TPR: variants seen among roughly 807,000 people sequenced by gnomAD.
TPR encodes the protein nucleoprotein TPR.
TPR carries 51 observed loss-of-function variants against 316.1 expected under a neutral mutation model. The observed-to-expected ratio is 0.16, with a 90% CI of 0.13 to 0.20. The LOEUF (loss-of-function observed/expected upper bound fraction) is 0.20, where lower values mean the gene tolerates loss of function less well. Ranked by LOEUF, TPR falls within the 10% of genes least tolerant of loss-of-function variation. The pLI is 1.00. For synonymous variants in TPR, 981 were observed against 914.7 expected (o/e 1.07, Z -1.31); for missense variants, 2,272 against 2,754.8 (o/e 0.82, Z 3.92).
chr1:186,351,872 C>A, intron 19 of TPR, 104 bp downstream of exon 19: 1 of 1,332,370 alleles, frequency 7.5e-7, no homozygotes. Context: ...TAATGGATGA[C>A]AAAAGTGATG....
chr1:186,356,540 C>T, intron 14 of TPR, 91 bp from the exon 15 acceptor site: 1 of 1,218,276 alleles, frequency 8.2e-7, no homozygotes, highest in Non-Finnish European at 1.1e-6. Flanking sequence ...CTTTGCCTAC[C>T]ATTCATCATA....
chr1:186,359,450 T>A (rs1318501902), intron 12 of TPR, among the ~76,000 whole-genome samples: 1 of 152,106 alleles, frequency 6.6e-6, no homozygotes, highest in Non-Finnish European at 1.5e-5. Context: ...AAAGAATGAT[T>A]ATGGCAAATA....
In TPR at chr1:186,313,415, GGTTA is replaced by G. The variant is rs1657430306; in HGVS notation, c.*552_*555del. 1 of 403,544 alleles carries G rather than the reference GGTTA, an allele frequency of 2.5e-6. No individual in the cohort carries two copies. Among genetic ancestry groups the G allele is most frequent in the South Asian group, 3.6e-5 (1 of 28,100 alleles). 25.0% of individuals were successfully genotyped at this position (403,544 alleles called of 1,614,324 possible). On this transcript the variant is annotated 3_prime_UTR_variant, in exon 51 of 51. Coordinates refer to ENST00000367478, the MANE Select transcript of TPR (RefSeq NM_003292.3). ...CCCAAGTAAATTATTTTTCAAACTT[GGTTA>G]CTCTTTAATGTTTACTTCATAAAGG...
At chr1:186,345,543 G>C (rs781050020) in intron 24 of TPR, 37 bp downstream of exon 24, 29 of 1,450,798 alleles carry the variant, frequency 2.0e-5, no homozygotes, top group Non-Finnish European at 2.9e-6. Context: ...CATTCTCTAG[G>C]ATCGAAGCTC....
At chr1:186,353,924 T>G in intron 17 of TPR, 74 bp from the exon 18 acceptor site, 2 of 1,403,880 alleles carry the variant, frequency 1.4e-6, no homozygotes, top group Non-Finnish European at 9.7e-7. Flanking sequence ...AATTTCACAA[T>G]AGCTTAACCC....
intron 42 of TPR, 71 bp downstream of exon 42, chr1:186,325,693 G>T: frequency 1.6e-6 from 2 of 1,218,220 alleles, no homozygotes; most frequent in Non-Finnish European, 1.2e-6. Context: ...TTATATATTA[G>T]AATTAAGTGC....
chr1:186,349,404 A>G (rs1462145664), intron 21 of TPR, among the ~76,000 whole-genome samples: 2 of 152,182 alleles, frequency 1.3e-5, no homozygotes, highest in East Asian at 1.9e-4. Flanking sequence ...CTGTAATCCC[A>G]GCACTTTGGG....
In TPR at chr1:186,326,739, C is replaced by T. The variant is rs111999332; in HGVS notation, c.5890-504G>A. The stretch of plus-strand genomic sequence containing the variant: ...GCTCCAAGAGGAAACAAAAACAATT[C>T]TTGTTTCTTCTTTTTATCTCCGGAA... On this transcript the variant is annotated intron_variant, in intron 40 of 50. Coordinates refer to ENST00000367478, the MANE Select transcript of TPR (RefSeq NM_003292.3). Among the ~76,000 whole-genome samples, 1,040 of 150,678 alleles carry T rather than the reference C, an allele frequency of 6.9e-3. 20 individuals carry two copies. Among genetic ancestry groups the T allele is most frequent in the African/African-American group, 0.024 (1,004 of 41,160 alleles).
At chr1:186,355,233 G>C (rs755382584) in intron 17 of TPR, among the ~76,000 whole-genome samples, 177 bp downstream of exon 17, 1 of 151,906 alleles carries the variant, frequency 6.6e-6, no homozygotes, top group African/African-American at 2.4e-5. Context: ...TAAACCCTTA[G>C]CACTGCCTAG....
intron 39 of TPR, among the ~76,000 whole-genome samples, chr1:186,330,704 T>C (rs1484038957): frequency 1.3e-5 from 2 of 152,102 alleles, no homozygotes; most frequent in African/African-American, 4.8e-5. Flanking sequence ...TGGTCCACGC[T>C]GGAGACTATT....
intron 39 of TPR, among the ~76,000 whole-genome samples, chr1:186,328,734 C>T (rs1304851880): frequency 6.6e-6 from 1 of 152,126 alleles, no homozygotes; most frequent in Non-Finnish European, 1.5e-5. Context: ...CTCAAAATTC[C>T]AATTATTCCA....
Position 186,351,429 on chromosome 1 carries a change from A to G in TPR, c.2511T>C (p.Leu837=). Residue 837 remains leucine (L), a synonymous_variant, in exon 20 of 51, where the codon CTT becomes CTC. Coordinates refer to ENST00000367478, the MANE Select transcript of TPR (RefSeq NM_003292.3). The part of the protein sequence containing the change: ...ERSETETKQR[L]SSQIEKLEHE... ...GTTCCAGTTTTTCTATCTGGCTACT[A>G]AGCCTTTGTTTGGTTTCTGTTTCAG... 1 of 1,611,520 alleles carries G rather than the reference A, an allele frequency of 6.2e-7. No individual in the cohort carries two copies. Among genetic ancestry groups the G allele is most frequent in the Non-Finnish European group, 8.5e-7 (1 of 1,178,898 alleles).
intron 50 of TPR, 95 bp downstream of exon 50, chr1:186,314,533 TA>T: frequency 2.1e-6 from 2 of 938,786 alleles, no homozygotes; most frequent in Non-Finnish European, 3.1e-6. Context: ...TTTGGAACAT[TA>T]AAAAAATAAA....
rs1286348394 is a variant in TPR, at chr1:186,333,188, T to C, written c.5389A>G (p.Ile1797Val). 2.7e-5 allele frequency: 44 copies of C among 1,613,632 alleles called. No homozygotes were observed. Among genetic ancestry groups the C allele is most frequent in the Non-Finnish European group, 3.6e-5 (43 of 1,179,678 alleles). Residue 1797 changes from isoleucine to valine, a missense_variant, in exon 37 of 51, where the codon ATA becomes GTA. By Grantham distance (29) the Ile-to-Val change is conservative. Transcript: ENST00000367478. Reference protein sequence around the residue: ...EPANQELSSNIVEVVQSSPVE... With the variant: ...EPANQELSSNVVEVVQSSPVE... ...GGTGAACTCTGAACAACCTCTACTA[T>C]GTTTGAAGATAACTCTTGATTGGCA...
At position 186,332,216 on chromosome 1, in the gene TPR, A is replaced by G; in HGVS notation, c.5583T>C (p.Ser1861=). 6.2e-7 allele frequency: 1 copy of G among 1,611,536 alleles called. No individual in the cohort carries two copies. Among genetic ancestry groups the G allele is most frequent in the Non-Finnish European group, 8.5e-7 (1 of 1,179,032 alleles). Residue 1861 remains serine (S), a synonymous_variant, in exon 38 of 51, where the codon AGT becomes AGC. Coordinates refer to ENST00000367478, the MANE Select transcript of TPR (RefSeq NM_003292.3). ...GCACCTCAGTTCCTACAGGTGTGAC[A>G]CTTTTCAACTTCTTTGGAAGAGGCA... The part of the protein sequence containing the change: ...VEMPLPKKLK[S]VTPVGTEEEV...
chr1:186,353,321 A>G (rs949045858), intron 18 of TPR, among the ~76,000 whole-genome samples: 4 of 151,954 alleles, frequency 2.6e-5, no homozygotes, highest in Admixed American at 1.3e-4. Context: ...GCAGTGAGCC[A>G]AGATCGTGCC....
intron 23 of TPR, 109 bp from the exon 24 acceptor site, chr1:186,345,805 C>T: frequency 5.1e-6 from 4 of 783,000 alleles, no homozygotes; most frequent in Non-Finnish European, 6.0e-6. Flanking sequence ...ATCCAATTAG[C>T]CCAAAAAACT....
At chr1:186,347,556 C>A in intron 21 of TPR, 98 bp from the exon 22 acceptor site, 1 of 1,260,692 alleles carries the variant, frequency 7.9e-7, no homozygotes, top group Non-Finnish European at 1.1e-6. Context: ...GGTTCAAATA[C>A]AGATATATTT....
chr1:186,363,614 C>G (rs1412894193), intron 4 of TPR, among the ~76,000 whole-genome samples, 169 bp from the exon 5 acceptor site: 1 of 151,904 alleles, frequency 6.6e-6, no homozygotes, highest in Non-Finnish European at 1.5e-5. Context: ...ATATTTTCTT[C>G]AATAAATATA....
Sources: allele counts gnomAD v4.1 joint callset (sites outside exome capture counted in the v4.1 genomes callset), GRCh38; gene constraint gnomAD v4.1.1; transcripts MANE v1.5; gene names NCBI Gene and HGNC (gene_info 2026-07-23, HGNC 2026-07-21).